Variants in SNAPC3 observed in about 807,000 individuals in gnomAD.
The protein encoded by SNAPC3 is small nuclear RNA activating complex polypeptide 3.
Under a neutral mutation model 47.7 loss-of-function variants are expected in SNAPC3, and 56 were observed. The ratio of observed to expected loss-of-function variants is 1.18; its 90% CI spans 0.95 to 1.47. The LOEUF is 1.47. SNAPC3 is among the 40% of genes most tolerant of loss of function. The probability of loss-of-function intolerance (pLI) is 0.00; values close to 1 mark genes in which losing one functional copy is unlikely to be tolerated. For missense variants in SNAPC3, 665 were observed against 511.3 expected, an observed-to-expected ratio of 1.30 and a Z score of -2.90; for synonymous variants, 235 against 189.9, an observed-to-expected ratio of 1.24 and a Z score of -1.95.
At position 15,453,115 on chromosome 9, in the gene SNAPC3, C is replaced by T; in HGVS notation, c.890C>T (p.Thr297Ile). ...KFQTARMEDF[T>I]FNDLCIKLGF... is the part of the protein sequence containing the mutation. The stretch of plus-strand genomic sequence containing the variant: ...CAGACTGCTAGAATGGAAGATTTCA[C>T]CTTCAATGACTTGTGTATTAAACTG... The change falls in exon 7 of 9, where the codon ACC (threonine) becomes ATC (isoleucine). Residue 297 changes from threonine (T) to isoleucine (I), a missense_variant. Thr to Ile is a moderately conservative substitution (Grantham distance 89). Coordinates refer to ENST00000380821, the MANE Select transcript of SNAPC3 (RefSeq NM_001039697.2). 2.5e-6 allele frequency: 4 copies of T among 1,611,856 alleles called. No individual in the cohort carries two copies. Among genetic ancestry groups the T allele is most frequent in the East Asian group, 2.2e-5 (1 of 44,848 alleles).
chr9:15,443,669 T>C (rs2033695631), intron 3 of SNAPC3, among the ~76,000 whole-genome samples: 1 of 151,956 alleles, frequency 6.6e-6, no homozygotes, highest in African/African-American at 2.4e-5. Flanking sequence ...TCAAAACCAA[T>C]GCACGTACCT....
downstream of SNAPC3, chr9:15,465,546 G>A: frequency 6.3e-7 from 1 of 1,583,392 alleles, no homozygotes. Flanking sequence ...GAATCCTTCA[G>A]AGATATTTCA....
At chr9:15,428,191 CAAACTGGGAATCTTGT>C (rs1457033258) in intron 2 of SNAPC3, among the ~76,000 whole-genome samples, 1 of 149,906 alleles carries the variant, frequency 6.7e-6, no homozygotes, top group Non-Finnish European at 1.5e-5. Flanking sequence ...AGAGCACCAT[CAAACTGGGAATCTTGT>C]AAACTATCAC....
chr9:15,455,989 C>G (rs890485167), intron 7 of SNAPC3, among the ~76,000 whole-genome samples: 4 of 141,168 alleles, frequency 2.8e-5, no homozygotes, highest in African/African-American at 1.3e-4. Flanking sequence ...ATTCTTCTGC[C>G]TCAGCCTCCC....
At chr9:15,425,446 G>T (rs953273657) in intron 2 of SNAPC3, among the ~76,000 whole-genome samples, 1 of 152,076 alleles carries the variant, frequency 6.6e-6, no homozygotes. Flanking sequence ...TTCAACTCCT[G>T]ACCTCATGTG....
chr9:15,423,214 C>G, intron 1 of SNAPC3, 21 bp downstream of exon 1: 1 of 1,556,274 alleles, frequency 6.4e-7, no homozygotes, highest in Non-Finnish European at 8.6e-7. Context: ...AGCAAAGGGG[C>G]TCTTGCAGCT....
chr9:15,448,507 C>T (rs765962372), intron 5 of SNAPC3, among the ~76,000 whole-genome samples: 12 of 152,292 alleles, frequency 7.9e-5, no homozygotes, highest in African/African-American at 2.6e-4. Flanking sequence ...TTTCTTGACT[C>T]CTTTCTTTGT....
chr9:15,440,113 A>G (rs960526050), intron 3 of SNAPC3, among the ~76,000 whole-genome samples: 61 of 152,236 alleles, frequency 4.0e-4, no homozygotes, highest in African/African-American at 1.5e-3. Flanking sequence ...ATGTCTTTAT[A>G]TATTGTGTGT....
chr9:15,447,578 C>T (rs754278587), intron 5 of SNAPC3, among the ~76,000 whole-genome samples: 4 of 151,846 alleles, frequency 2.6e-5, no homozygotes, highest in Non-Finnish European at 5.9e-5. Context: ...GGCTGGAGTG[C>T]AGTGTCGCCA....
intron 3 of SNAPC3, 23 bp from the exon 4 acceptor site, chr9:15,444,579 A>C (rs2033774317): frequency 7.1e-7 from 1 of 1,407,218 alleles, no homozygotes; most frequent in Non-Finnish European, 1.0e-6. Flanking sequence ...ATCTGATTTC[A>C]GTGTCTCTTT....
intron 4 of SNAPC3, among the ~76,000 whole-genome samples, chr9:15,445,614 C>T (rs2033865733): frequency 7.9e-6 from 1 of 127,352 alleles, no homozygotes; most frequent in Admixed American, 9.3e-5. Flanking sequence ...TTTTACAAAG[C>T]ATCTGGGATG....
intron 3 of SNAPC3, among the ~76,000 whole-genome samples, chr9:15,436,752 A>T (rs564183073): frequency 6.6e-6 from 1 of 151,690 alleles, no homozygotes; most frequent in East Asian, 1.9e-4. Context: ...GATCTTAATG[A>T]TACCAAGTCT....
intron 3 of SNAPC3, among the ~76,000 whole-genome samples, chr9:15,441,499 A>G (rs1165603686): frequency 1.3e-5 from 2 of 150,726 alleles, no homozygotes; most frequent in African/African-American, 4.9e-5. Context: ...CAGATAAACA[A>G]GTGAACAAGG....
intron 2 of SNAPC3, among the ~76,000 whole-genome samples, chr9:15,426,005 G>A (rs1449447665): frequency 6.6e-6 from 1 of 152,212 alleles, no homozygotes; most frequent in Non-Finnish European, 1.5e-5. Flanking sequence ...GGGATTACAG[G>A]CATGTGCCAC....
downstream of SNAPC3, among the ~76,000 whole-genome samples, chr9:15,466,359 C>CA (rs1439220941): frequency 4.0e-5 from 6 of 150,892 alleles, no homozygotes; most frequent in Non-Finnish European, 8.9e-5. Flanking sequence ...GCCTGAGCAA[C>CA]AAGAGTGAAA....
At chr9:15,463,947 G>A (rs548528485), downstream of SNAPC3, 40 of 162,928 alleles carry the variant, frequency 2.5e-4, no homozygotes, top group Non-Finnish European at 3.9e-4. Context: ...TAGTTACCCC[G>A]TTTCCCAAAA....
downstream of SNAPC3, among the ~76,000 whole-genome samples, chr9:15,466,382 GAAA>G (rs1563862558): frequency 6.7e-6 from 1 of 148,972 alleles, no homozygotes. Context: ...CTGTCTCAAA[GAAA>G]AAACAACAAC....
intron 2 of SNAPC3, among the ~76,000 whole-genome samples, chr9:15,425,341 CGGAGTAGCT>C (rs905084520): frequency 2.6e-5 from 4 of 152,140 alleles, no homozygotes; most frequent in African/African-American, 9.7e-5. Flanking sequence ...CCTCAGCCTC[CGGAGTAGCT>C]GGGATTACCG....
At chr9:15,465,188 C>T (rs2132023592), downstream of SNAPC3, 1 of 254,398 alleles carries the variant, frequency 3.9e-6, no homozygotes, top group East Asian at 5.9e-5. Context: ...ATACAAGTAG[C>T]AGTTTTAAAA....
Sources: gnomAD v4.1 joint callset for allele counts (sites outside exome capture counted in the v4.1 genomes callset) on GRCh38, gnomAD v4.1.1 for gene constraint, MANE v1.5 for transcripts, NCBI Gene and HGNC (gene_info 2026-07-23, HGNC 2026-07-21) for gene names.